ULK4: variants seen among roughly 807,000 people sequenced by gnomAD.
ULK4 encodes the protein inactive serine/threonine-protein kinase ULK4.
Under a neutral mutation model 160.6 loss-of-function variants are expected in ULK4, and 133 were observed. The observed-to-expected ratio is 0.83, with a 90% CI of 0.72 to 0.96. ULK4 has a LOEUF of 0.96. Among genes scored for constraint, ULK4 ranks in the 40% least tolerant of loss-of-function variants. The probability of loss-of-function intolerance (pLI) is 0.00; values close to 1 mark genes in which losing one functional copy is unlikely to be tolerated. For missense variants in ULK4, 1,580 were observed against 1,499.5 expected, an observed-to-expected ratio of 1.05 and a Z score of -0.89; for synonymous variants, 534 against 539.8, an observed-to-expected ratio of 0.99 and a Z score of 0.15.
chr3:41,542,891 G>T (rs934782215), intron 32 of ULK4, among the ~76,000 whole-genome samples: 3 of 151,968 alleles, frequency 2.0e-5, no homozygotes, highest in African/African-American at 7.3e-5. Context: ...CAGCTTGATA[G>T]GGACAATTCT....
intron 31 of ULK4, among the ~76,000 whole-genome samples, chr3:41,573,920 G>A (rs946749702): frequency 1.3e-5 from 2 of 152,174 alleles, no homozygotes; most frequent in Admixed American, 1.3e-4. Context: ...TATGTTTGAG[G>A]GGAAGAGGAC....
At chr3:41,438,406 C>T (rs2083084362) in intron 34 of ULK4, among the ~76,000 whole-genome samples, 1 of 152,116 alleles carries the variant, frequency 6.6e-6, no homozygotes, top group South Asian at 2.1e-4. Context: ...ACTATACAAG[C>T]ATGTGACCTT....
At chr3:41,341,345 C>T (rs1448107835) in intron 35 of ULK4, among the ~76,000 whole-genome samples, 1 of 152,144 alleles carries the variant, frequency 6.6e-6, no homozygotes, top group African/African-American at 2.4e-5. Context: ...TCGGCTTGAC[C>T]ATGTGACTTT....
intron 31 of ULK4, among the ~76,000 whole-genome samples, chr3:41,596,701 G>A (rs2031716202): frequency 6.6e-6 from 1 of 152,132 alleles, no homozygotes; most frequent in Admixed American, 6.5e-5. Context: ...CAGAGATGTG[G>A]TCCATGGAAT....
At chr3:41,696,117 C>T (rs1191576537) in intron 27 of ULK4, among the ~76,000 whole-genome samples, 1 of 152,110 alleles carries the variant, frequency 6.6e-6, no homozygotes, top group East Asian at 1.9e-4. Flanking sequence ...TCTCCCTTTC[C>T]CCGGGGGAGT....
At chr3:41,276,251 A>G (rs549210671) in intron 35 of ULK4, among the ~76,000 whole-genome samples, 1 of 152,332 alleles carries the variant, frequency 6.6e-6, no homozygotes, top group African/African-American at 2.4e-5. Flanking sequence ...CCCAACTCCA[A>G]TTTAACAAAA....
intron 22 of ULK4, among the ~76,000 whole-genome samples, chr3:41,719,449 G>GTA (rs1261466400): frequency 6.6e-6 from 1 of 152,106 alleles, no homozygotes; most frequent in Non-Finnish European, 1.5e-5. Context: ...TTCAAACTCT[G>GTA]TATATCCAAA....
At chr3:41,735,702 AT>A (rs1257996989) in intron 22 of ULK4, among the ~76,000 whole-genome samples, 1 of 149,272 alleles carries the variant, frequency 6.7e-6, no homozygotes, top group Admixed American at 6.7e-5. Context: ...TATTATTATT[AT>A]TATTATTATT....
In ULK4 at chr3:41,721,353, TA is replaced by T. The variant is rs1559507652; in HGVS notation, c.2322-3493del. Among the ~76,000 whole-genome samples, 55 of 66,362 alleles carry T rather than the reference TA, an allele frequency of 8.3e-4. 1 individual carries two copies. The highest frequency in any genetic ancestry group is 4.1e-3 in the African/African-American group (53 of 13,016). The allele number at this position is 66,362 out of a possible 152,430, so 43.5% of individuals were successfully genotyped here. On this transcript the variant is annotated intron_variant, in intron 22 of 36. Coordinates refer to ENST00000301831, the MANE Select transcript of ULK4 (RefSeq NM_017886.4). ...ATGTAAATATATATATATATATATA[TA>T]TATATATATTTTTTTTTTTTTTTTT...
chr3:41,798,751 G>A (rs1371135292), intron 20 of ULK4, among the ~76,000 whole-genome samples: 1 of 151,972 alleles, frequency 6.6e-6, no homozygotes, highest in African/African-American at 2.4e-5. Flanking sequence ...GCGTGTTGTT[G>A]AGGGGGCAGG....
chr3:41,753,779 T>G (rs1386580147), intron 22 of ULK4, among the ~76,000 whole-genome samples: 1 of 152,228 alleles, frequency 6.6e-6, no homozygotes, highest in Admixed American at 6.5e-5. Context: ...TCTAGGGCTG[T>G]GTTAGCCCAT....
intron 14 of ULK4, among the ~76,000 whole-genome samples, chr3:41,897,729 T>C (rs1267510874): frequency 6.6e-6 from 1 of 152,234 alleles, no homozygotes; most frequent in Non-Finnish European, 1.5e-5. Flanking sequence ...AGTTTCTTTT[T>C]TGTTTTTATC....
At chr3:41,910,037 C>T (rs1698723739) in intron 11 of ULK4, among the ~76,000 whole-genome samples, 1 of 152,054 alleles carries the variant, frequency 6.6e-6, no homozygotes, top group Admixed American at 6.6e-5. Context: ...GCTGGGATTA[C>T]AGACACCCAC....
intron 27 of ULK4, among the ~76,000 whole-genome samples, chr3:41,691,943 C>CA (rs2036314789): frequency 1.0e-5 from 1 of 96,352 alleles, no homozygotes; most frequent in Non-Finnish European, 1.9e-5. Context: ...CAAATCACTT[C>CA]TTTTTTTTTT....
In ULK4 at chr3:41,834,343, A is replaced by G. The variant is rs190588629; in HGVS notation, c.1764+1521T>C. Reference sequence around the variant, plus strand: ...GGAGGACTATATAAATATCATAAAGATATCAATACTTTCCCAATCAATACA... The same window carrying G: ...GGAGGACTATATAAATATCATAAAGGTATCAATACTTTCCCAATCAATACA... On this transcript the variant is annotated intron_variant, in intron 18 of 36. Coordinates refer to ENST00000301831, the MANE Select transcript of ULK4 (RefSeq NM_017886.4). 1.2e-3 allele frequency among the ~76,000 whole-genome samples: 186 copies of G among 152,276 alleles called. 1 individual carries two copies. The highest frequency in any genetic ancestry group is 2.0e-3 in the Non-Finnish European group (133 of 68,004).
chr3:41,585,503 T>C (rs1166231844), intron 31 of ULK4, among the ~76,000 whole-genome samples: 2 of 152,132 alleles, frequency 1.3e-5, no homozygotes, highest in Non-Finnish European at 2.9e-5. Flanking sequence ...CCTTATACCA[T>C]ATACAAAAAT....
intron 30 of ULK4, among the ~76,000 whole-genome samples, chr3:41,656,192 G>C (rs2034930219): frequency 6.6e-6 from 1 of 150,592 alleles, no homozygotes; most frequent in African/African-American, 2.4e-5. Flanking sequence ...CTTCCTCTAA[G>C]AATAATGAAA....
At chr3:41,786,722 G>A (rs940071452) in intron 21 of ULK4, among the ~76,000 whole-genome samples, 22 of 151,624 alleles carry the variant, frequency 1.5e-4, no homozygotes, top group African/African-American at 5.3e-4. Flanking sequence ...AGGTGTCACA[G>A]ATACATTTAA....
At chr3:41,403,010 C>T (rs1215650570) in intron 34 of ULK4, among the ~76,000 whole-genome samples, 4 of 151,942 alleles carry the variant, frequency 2.6e-5, no homozygotes, top group Admixed American at 2.6e-4. Flanking sequence ...ATTAGCCGGG[C>T]GTGGTGGCAC....
Sources: allele counts gnomAD v4.1 joint callset (sites outside exome capture counted in the v4.1 genomes callset), GRCh38; gene constraint gnomAD v4.1.1; transcripts MANE v1.5; gene names NCBI Gene and HGNC (gene_info 2026-07-23, HGNC 2026-07-21).